PTPRN2: variants seen among roughly 807,000 people sequenced by gnomAD.
PTPRN2 encodes receptor-type tyrosine-protein phosphatase N2.
Under a neutral mutation model 118.8 loss-of-function variants are expected in PTPRN2, and 74 were observed. That is an observed-to-expected ratio of 0.62 (90% CI 0.52 to 0.76). The LOEUF is 0.76. Among genes scored for constraint, PTPRN2 ranks in the 30% least tolerant of loss-of-function variants. The probability of loss-of-function intolerance (pLI) is 0.00; values close to 1 mark genes in which losing one functional copy is unlikely to be tolerated. For missense variants in PTPRN2, 1,481 were observed against 1,394.4 expected, an observed-to-expected ratio of 1.06 and a Z score of -0.99; for synonymous variants, 641 against 608.0, an observed-to-expected ratio of 1.05 and a Z score of -0.80.
intron 6 of PTPRN2, among the ~76,000 whole-genome samples, chr7:158,142,406 G>A (rs543296039): frequency 5.1e-4 from 77 of 152,302 alleles, no homozygotes; most frequent in South Asian, 1.0e-3. Flanking sequence ...GACCCATGGC[G>A]TGGCCTGCCC....
intron 2 of PTPRN2, among the ~76,000 whole-genome samples, chr7:158,397,429 G>A (rs1391990479): frequency 6.6e-6 from 1 of 152,202 alleles, no homozygotes; most frequent in East Asian, 1.9e-4. Context: ...CAAGTGGCCA[G>A]GGGACAGGGC....
intron 1 of PTPRN2, among the ~76,000 whole-genome samples, chr7:158,523,427 AAGCGGAGTCTGCCCTGG>A (rs1563392402): frequency 4.9e-5 from 3 of 60,892 alleles, no homozygotes; most frequent in Non-Finnish European, 6.7e-5. Flanking sequence ...GTCTGCCCTG[AAGCGGAGTCTGCCCTGG>A]AGCGGAGTCG....
At chr7:157,771,484 T>A (rs1178950926) in intron 12 of PTPRN2, among the ~76,000 whole-genome samples, 7 of 152,160 alleles carry the variant, frequency 4.6e-5, no homozygotes, top group African/African-American at 7.2e-5. Flanking sequence ...CCAACTCAAT[T>A]TAACAGCCAC....
intron 3 of PTPRN2, among the ~76,000 whole-genome samples, chr7:158,305,403 A>G (rs1037596762): frequency 2.6e-5 from 4 of 152,150 alleles, no homozygotes; most frequent in South Asian, 2.1e-4. Context: ...AGGGAGGGAG[A>G]CAGTGGTGGA....
At chr7:157,954,111 G>A (rs1563270553) in intron 11 of PTPRN2, among the ~76,000 whole-genome samples, 1 of 151,688 alleles carries the variant, frequency 6.6e-6, no homozygotes, top group Non-Finnish European at 1.5e-5. Flanking sequence ...CGTGTGCTGT[G>A]TGGTGTGTGT....
chr7:157,993,580 C>T (rs1804421274), intron 11 of PTPRN2, among the ~76,000 whole-genome samples: 2 of 152,186 alleles, frequency 1.3e-5, no homozygotes, highest in Admixed American at 1.3e-4. Flanking sequence ...TCTGCCAGGC[C>T]TGGAGAGCCA....
intron 2 of PTPRN2, among the ~76,000 whole-genome samples, chr7:158,400,945 C>G (rs139976881): frequency 6.6e-6 from 1 of 152,038 alleles, no homozygotes; most frequent in Admixed American, 6.5e-5. Context: ...AAGAACCTCA[C>G]GAGGAAAGCC....
chr7:157,842,141 C>G (rs1808466219), intron 12 of PTPRN2, among the ~76,000 whole-genome samples: 1 of 152,180 alleles, frequency 6.6e-6, no homozygotes, highest in Non-Finnish European at 1.5e-5. Context: ...AACCCATACA[C>G]AACATTAGAA....
chr7:158,246,614 C>T (rs1377339425), intron 3 of PTPRN2, among the ~76,000 whole-genome samples: 2 of 151,684 alleles, frequency 1.3e-5, no homozygotes, highest in Admixed American at 6.6e-5. Flanking sequence ...CGTTTTCTTC[C>T]TTTTTGACCT....
chr7:158,094,435 C>A (rs10949697), intron 10 of PTPRN2, among the ~76,000 whole-genome samples: 22 of 152,126 alleles, frequency 1.4e-4, no homozygotes, highest in Non-Finnish European at 2.9e-4. Context: ...TCAGCCTCCC[C>A]AGTAGCTGGG....
At chr7:157,707,270 C>T (rs1469355451) in intron 12 of PTPRN2, among the ~76,000 whole-genome samples, 1 of 151,900 alleles carries the variant, frequency 6.6e-6, no homozygotes, top group African/African-American at 2.4e-5. Flanking sequence ...ACCACACATA[C>T]ACACAGACAC....
chr7:157,962,004 C>T (rs1801574752), intron 11 of PTPRN2, among the ~76,000 whole-genome samples: 1 of 152,204 alleles, frequency 6.6e-6, no homozygotes, highest in South Asian at 2.1e-4. Flanking sequence ...CCCACCCTCT[C>T]ACTTTCCCTC....
At chr7:157,772,686 C>T (rs1192750780) in intron 12 of PTPRN2, among the ~76,000 whole-genome samples, 1 of 152,246 alleles carries the variant, frequency 6.6e-6, no homozygotes, top group African/African-American at 2.4e-5. Context: ...AGGCTCTCGG[C>T]ATTGGGTCTC....
chr7:158,118,028 G>C (rs1258060472), intron 9 of PTPRN2, among the ~76,000 whole-genome samples: 1 of 152,132 alleles, frequency 6.6e-6, no homozygotes, highest in African/African-American at 2.4e-5. Flanking sequence ...ATAAAATATA[G>C]TATTATTGTA....
rs570953072 is a variant in PTPRN2 at position 158,544,907 on chromosome 7, T to A, written c.112+42651A>T. 8.3e-4 allele frequency among the ~76,000 whole-genome samples: 127 copies of A among 152,186 alleles called. No individual in the cohort carries two copies. The highest frequency in any genetic ancestry group is 1.0e-3 in the Non-Finnish European group (68 of 68,034). On this transcript the variant is annotated intron_variant, in intron 1 of 22. Coordinates refer to ENST00000389418, the MANE Select transcript of PTPRN2 (RefSeq NM_002847.5). The surrounding 1 kb of genome is among the most constrained non-coding windows in gnomAD (Gnocchi z 4.2). ...GCCCACACTGGTGCTCACACTCACG[T>A]GATCACACCCACTCTTTCTTCTTGT... is the stretch of plus-strand genomic sequence containing the variant.
chr7:157,974,944 G>A lies in PTPRN2; in HGVS notation c.1724-76207C>T, dbSNP rs1802629783. On this transcript the variant is annotated intron_variant, in intron 11 of 22. Coordinates refer to ENST00000389418, the MANE Select transcript of PTPRN2 (RefSeq NM_002847.5). The surrounding 1 kb of genome is among the most constrained non-coding windows in gnomAD (Gnocchi z 4.0). ...GGAGTGAGCAGAGGACCAGGGTATGGAACAAGCCCTAGTCAGAAATGCCTC... is the reference window on the plus strand; with the variant it reads ...GGAGTGAGCAGAGGACCAGGGTATGAAACAAGCCCTAGTCAGAAATGCCTC... Among the ~76,000 whole-genome samples the A allele has an allele frequency of 6.6e-6, 1 of 151,980 alleles. No homozygotes were observed. Among genetic ancestry groups the A allele is most frequent in the Non-Finnish European group, 1.5e-5 (1 of 67,976 alleles).
chr7:157,896,412 G>T (rs1330573871), intron 12 of PTPRN2, among the ~76,000 whole-genome samples: 1 of 152,190 alleles, frequency 6.6e-6, no homozygotes, highest in Non-Finnish European at 1.5e-5. Context: ...TGAAAGGGTG[G>T]CCATGGAGGT....
intron 5 of PTPRN2, among the ~76,000 whole-genome samples, chr7:158,170,880 A>G (rs1363947823): frequency 6.6e-6 from 1 of 152,108 alleles, no homozygotes; most frequent in Non-Finnish European, 1.5e-5. Flanking sequence ...CTGTAAAACA[A>G]GGATAATAAT....
chr7:158,267,922 C>T (rs765954194), intron 3 of PTPRN2, among the ~76,000 whole-genome samples: 3 of 152,286 alleles, frequency 2.0e-5, no homozygotes, highest in Non-Finnish European at 4.4e-5. Context: ...ACCTCCAGCC[C>T]GTAATTTAGA....
Sources: allele counts gnomAD v4.1 joint callset (sites outside exome capture counted in the v4.1 genomes callset), GRCh38; gene constraint gnomAD v4.1.1; non-coding constraint Gnocchi (gnomAD v3.1); transcripts MANE v1.5; gene names NCBI Gene and HGNC (gene_info 2026-07-23, HGNC 2026-07-21).